Variants in UNC80 observed in about 807,000 individuals in gnomAD.
The protein encoded by UNC80 is unc-80 subunit of NALCN channel complex.
In UNC80, 164 loss-of-function variants were observed where a neutral mutation model predicts 384.6. That is an observed-to-expected ratio of 0.43 (90% CI 0.38 to 0.49). The LOEUF (loss-of-function observed/expected upper bound fraction) is 0.49. UNC80 is among the 20% of genes least tolerant of loss of function. The pLI, the probability that UNC80 is intolerant of heterozygous loss-of-function variation, is 0.00. For missense variants in UNC80, 3,330 were observed against 4,143.0 expected (o/e 0.80, Z 5.39); for synonymous variants, 1,486 against 1,527.8 (o/e 0.97, Z 0.64).
intron 61 of UNC80, among the ~76,000 whole-genome samples, chr2:209,988,325 T>C (rs961334077): frequency 6.6e-6 from 1 of 152,116 alleles, no homozygotes; most frequent in Non-Finnish European, 1.5e-5. Flanking sequence ...GCAATGAAAA[T>C]ATGAATTCAC....
intron 4 of UNC80, among the ~76,000 whole-genome samples, chr2:209,784,273 C>T (rs1487878290): frequency 6.6e-6 from 1 of 152,032 alleles, no homozygotes; most frequent in African/African-American, 2.4e-5. Context: ...TCACTGTTGC[C>T]CTTTCTCAAA....
intron 33 of UNC80, among the ~76,000 whole-genome samples, chr2:209,920,037 C>T (rs1322169605): frequency 6.6e-6 from 1 of 152,164 alleles, no homozygotes; most frequent in East Asian, 1.9e-4. Context: ...GGCATGGTGG[C>T]AGGCACCTGT....
chr2:209,990,111 C>T lies in UNC80; in HGVS notation c.9315-2055C>T, dbSNP rs562267695. 1.3e-3 allele frequency among the ~76,000 whole-genome samples: 195 copies of T among 152,212 alleles called. 1 individual carries two copies. Among genetic ancestry groups the T allele is most frequent in the African/African-American group, 4.5e-3 (186 of 41,540 alleles). ...GCCTCTCTATCCATAGAGAAAATTT[C>T]GATGCTTATGATCCTCTCCTGGAAT... On this transcript the variant is annotated intron_variant, in intron 61 of 64. Transcript: ENST00000673920.
chr2:209,927,619 ACTTTAAATG>A (rs1310705107), intron 36 of UNC80, among the ~76,000 whole-genome samples: 2 of 152,228 alleles, frequency 1.3e-5, no homozygotes, highest in Non-Finnish European at 2.9e-5. Flanking sequence ...GGCAAATATT[ACTTTAAATG>A]AAAATATCTA....
At chr2:209,806,736 A>T (rs1186368433) in intron 7 of UNC80, among the ~76,000 whole-genome samples, 2 of 152,230 alleles carry the variant, frequency 1.3e-5, no homozygotes, top group Non-Finnish European at 2.9e-5. Flanking sequence ...CTCTGAACTT[A>T]AGTGAACTGC....
intron 7 of UNC80, among the ~76,000 whole-genome samples, chr2:209,801,872 C>T (rs932552709): frequency 5.5e-4 from 83 of 151,932 alleles, no homozygotes; most frequent in African/African-American, 1.9e-3. Flanking sequence ...TACTATCTTG[C>T]GCTTTAAAAA....
Position 209,913,917 on chromosome 2 carries a change from A to G in UNC80, c.5006A>G (p.Asp1669Gly). The G allele has an allele frequency of 6.5e-7, 1 of 1,549,762 alleles. No individual in the cohort carries two copies. The highest frequency in any genetic ancestry group is 8.7e-7 in the Non-Finnish European group (1 of 1,145,586). ...PAAWELLLSMDEHMAGAAAAM... is the reference protein window; with the variant it reads ...PAAWELLLSMGEHMAGAAAAM... ...GCCTGGGAGCTCCTGCTCAGCATGG[A>G]TGAGCACATGGCAGGGGCAGCAGGT... The change falls in exon 31 of 65, where the codon GAT (aspartate) becomes GGT (glycine). Residue 1669 changes from aspartate to glycine, a missense_variant. By Grantham distance (94) the Asp-to-Gly change is moderately conservative (BLOSUM62 -1). Around this residue, in one of 8 missense-constraint regions of UNC80, gnomAD observed 801 missense variants for 950.8 expected, o/e 0.84. Coordinates refer to ENST00000673920, the MANE Select transcript of UNC80 (RefSeq NM_001371986.1).
chr2:209,776,541 A>C lies in UNC80; in HGVS notation c.298+496A>C, dbSNP rs546737157. ...GGTTACAGTTAGCTGGGATCGCACC[A>C]CTGCATTCCAGCCTAGGTGACAAAG... On this transcript the variant is annotated intron_variant, in intron 3 of 64. Transcript: ENST00000673920. Among the ~76,000 whole-genome samples, 15 of 152,358 alleles carry C rather than the reference A, an allele frequency of 9.8e-5. No homozygotes were observed. The South Asian group carries it at 2.5e-3, about 25-fold the overall frequency.
intron 29 of UNC80, among the ~76,000 whole-genome samples, chr2:209,905,201 A>C (rs898825459): frequency 6.6e-6 from 1 of 152,200 alleles, no homozygotes; most frequent in Admixed American, 6.5e-5. Context: ...ATATGACTGC[A>C]TAGGGATGAT....
intron 47 of UNC80, among the ~76,000 whole-genome samples, chr2:209,951,297 T>C (rs892935848): frequency 1.9e-4 from 22 of 118,072 alleles, no homozygotes; most frequent in East Asian, 4.1e-4. Flanking sequence ...TCCTTTTTTT[T>C]TCTCTCTCTC....
chr2:209,930,046 T>G, intron 37 of UNC80, 75 bp downstream of exon 37: 1 of 957,708 alleles, frequency 1.0e-6, no homozygotes, highest in East Asian at 2.9e-5. Context: ...CAAAGAACTT[T>G]ATAGTGCAGT....
At chr2:209,992,562 G>A (rs1207953280) in intron 62 of UNC80, among the ~76,000 whole-genome samples, 1 of 152,144 alleles carries the variant, frequency 6.6e-6, no homozygotes, top group Admixed American at 6.5e-5. Flanking sequence ...ACTTAGGCAA[G>A]CCAAATGTTT....
At chr2:209,936,048 G>A (rs1285387775) in intron 40 of UNC80, among the ~76,000 whole-genome samples, 1 of 151,928 alleles carries the variant, frequency 6.6e-6, no homozygotes, top group South Asian at 2.1e-4. Flanking sequence ...ACATAGTTCT[G>A]GGCCCAGATG....
At chr2:209,981,657 T>A (rs945655041) in intron 59 of UNC80, among the ~76,000 whole-genome samples, 2 of 152,226 alleles carry the variant, frequency 1.3e-5, no homozygotes, top group Non-Finnish European at 2.9e-5. Flanking sequence ...TACTTAAATT[T>A]TAAAATTTCG....
chr2:209,994,416 A>C (rs2093448132), intron 64 of UNC80, among the ~76,000 whole-genome samples, 152 bp downstream of exon 64: 1 of 152,198 alleles, frequency 6.6e-6, no homozygotes, highest in Non-Finnish European at 1.5e-5. Context: ...ATGAAAGAGA[A>C]AAATCTATAT....
intron 39 of UNC80, among the ~76,000 whole-genome samples, chr2:209,935,483 A>G (rs890164549): frequency 6.6e-6 from 1 of 152,056 alleles, no homozygotes; most frequent in South Asian, 2.1e-4. Flanking sequence ...TTTTAAAAGT[A>G]TTGGGAACTC....
In UNC80 at chr2:209,934,008, A is replaced by C; in HGVS notation, c.6178+3A>C. 6.5e-7 allele frequency: 1 copy of C among 1,536,120 alleles called. No individual in the cohort carries two copies. Among genetic ancestry groups the C allele is most frequent in the Non-Finnish European group, 8.8e-7 (1 of 1,139,848 alleles). ...CCTGGTGACCGCTTCAATGCCAGGT[A>C]AGCCACTACTACTTTTTAGTAACAT... is the stretch of plus-strand genomic sequence containing the variant. On this transcript the variant is annotated splice_donor_region_variant and intron_variant, in intron 39 of 64. Coordinates refer to ENST00000673920, the MANE Select transcript of UNC80 (RefSeq NM_001371986.1).
At chr2:209,810,817 G>A (rs528684498) in intron 7 of UNC80, among the ~76,000 whole-genome samples, 2 of 152,244 alleles carry the variant, frequency 1.3e-5, no homozygotes, top group African/African-American at 2.4e-5. Context: ...GAAAACAACA[G>A]TTTCACAGGC....
At chr2:209,977,155 T>A (rs540594365) in intron 58 of UNC80, 77 bp downstream of exon 58, 6 of 1,324,618 alleles carry the variant, frequency 4.5e-6, no homozygotes, top group Non-Finnish European at 5.9e-6. Flanking sequence ...TCTGTCCAGG[T>A]CACCACACTT....
Sources: allele counts gnomAD v4.1 joint callset (sites outside exome capture counted in the v4.1 genomes callset), GRCh38; gene constraint gnomAD v4.1.1; regional missense constraint gnomAD v4.1.1; transcripts MANE v1.5; gene names NCBI Gene and HGNC (gene_info 2026-07-23, HGNC 2026-07-21).